GUK1: variants seen among roughly 807,000 people sequenced by gnomAD.
GUK1 encodes the protein guanylate kinase 1, also known as guanylate kinase.
GUK1 carries 18 observed loss-of-function variants against 25.2 expected under a neutral mutation model. The observed-to-expected ratio is 0.71, with a 90% CI of 0.49 to 1.06. The LOEUF is 1.06. GUK1 is among the 50% of genes least tolerant of loss of function. The probability of loss-of-function intolerance (pLI) is 0.00; values close to 1 mark genes in which losing one functional copy is unlikely to be tolerated. For missense variants in GUK1, 261 were observed against 276.7 expected, an observed-to-expected ratio of 0.94 and a Z score of 0.40; for synonymous variants, 105 against 117.6, an observed-to-expected ratio of 0.89 and a Z score of 0.69.
chr1:228,140,436 C>T, intron 1 of GUK1, 73 bp downstream of exon 1: 2 of 1,048,024 alleles, frequency 1.9e-6, no homozygotes, highest in Non-Finnish European at 2.6e-6. Flanking sequence ...TTGCGGTCGC[C>T]CAGTCCACGC....
chr1:228,146,090 G>C, intron 4 of GUK1, 23 bp downstream of exon 3: 1 of 1,569,840 alleles, frequency 6.4e-7, no homozygotes, highest in South Asian at 1.1e-5. Flanking sequence ...GGGCCCTATG[G>C]CTGGAGCACC....
chr1:228,141,643 A>G, intron 2 of GUK1: 2 of 1,204,626 alleles, frequency 1.7e-6, no homozygotes, highest in Non-Finnish European at 2.1e-6. Context: ...GATGGCTGGA[A>G]GCCAGAAGGA....
In GUK1 at chr1:228,140,355, C is replaced by T. The variant is rs866410216; in HGVS notation, c.-176C>T. The T allele has an allele frequency of 1.6e-5, 25 of 1,523,786 alleles. No homozygotes were observed. In the East Asian group the frequency reaches 6.3e-4, roughly 38 times the overall value. 94.4% of individuals were successfully genotyped at this position (1,523,786 alleles called of 1,614,324 possible). ...GCTGCGGCCGCCCTGGGCCGGGCCC[C>T]ACCGGACGGTGAGTACGACAAGCGC... is the stretch of plus-strand genomic sequence containing the variant. On this transcript the variant is annotated 5_prime_UTR_variant, in exon 1 of 9. Transcript: ENST00000312726.
intron 8 of GUK1, 26 bp downstream of exon 7, chr1:228,148,482 G>A (rs750223120): frequency 9.1e-6 from 14 of 1,538,570 alleles, no homozygotes; most frequent in Non-Finnish European, 1.2e-5. Flanking sequence ...TGCCTACCTG[G>A]GCAAGGCCCA....
chr1:228,146,249 G>A (rs1007941154), intron 4 of GUK1, 182 bp downstream of exon 3: 17 of 593,366 alleles, frequency 2.9e-5, no homozygotes, highest in East Asian at 1.1e-4. Flanking sequence ...GCGTGGTGTC[G>A]CCTTCCTTGG....
In GUK1 at chr1:228,141,181, G is replaced by C; in HGVS notation, c.-110G>C. ...GAGGACCCTGTGCAAGACTCGGCCG[G>C]TTTTTCTTTCTCCCTGATGGACAGA... On this transcript the variant is annotated 5_prime_UTR_variant, in exon 2 of 9. Coordinates refer to ENST00000312726, the MANE Select transcript of GUK1 (RefSeq NM_000858.7). The C allele has an allele frequency of 1.0e-6, 1 of 985,396 alleles. No individual in the cohort carries two copies. Among genetic ancestry groups the C allele is most frequent in the Non-Finnish European group, 1.2e-6 (1 of 829,904 alleles). 61.0% of individuals were successfully genotyped at this position (985,396 alleles called of 1,614,324 possible).
At chr1:228,146,540 C>T (rs1558113629) in intron 4 of GUK1, 1 of 486,630 alleles carries the variant, frequency 2.1e-6, no homozygotes, top group Non-Finnish European at 3.7e-6. Flanking sequence ...GTTCCCCCAC[C>T]ACCTTCCCCC....
chr1:228,141,520 C>A, intron 2 of GUK1: 1 of 568,938 alleles, frequency 1.8e-6, no homozygotes, highest in Middle Eastern at 8.2e-4. Flanking sequence ...TTGTGTCTTA[C>A]GAGAGGCCAG....
chr1:228,140,324 G>T lies in GUK1; in HGVS notation c.-207G>T. 4 of 1,529,228 alleles carry T rather than the reference G, an allele frequency of 2.6e-6. No individual in the cohort carries two copies. Among genetic ancestry groups the T allele is most frequent in the East Asian group, 5.0e-5 (2 of 39,826 alleles). 94.7% of individuals were successfully genotyped at this position (1,529,228 alleles called of 1,614,324 possible). ...CCGGATGCTGCGGCGCCCGCTGGCCGGGCTGGCTGCGGCCGCCCTGGGCCG... is the reference window on the plus strand; with the variant it reads ...CCGGATGCTGCGGCGCCCGCTGGCCTGGCTGGCTGCGGCCGCCCTGGGCCG... On this transcript the variant is annotated 5_prime_UTR_variant, in exon 1 of 9. Transcript: ENST00000312726.
chr1:228,147,406 C>T lies in GUK1; in HGVS notation c.252C>T (p.Ser84=), dbSNP rs373707927. The stretch of plus-strand genomic sequence containing the variant: ...CTGCTGACCTGGCACCTCTCCCCAG[C>T]AAGGTGGCGGTGCAGGCCGTGCAGG... Residue 84 remains serine (S), a splice_region_variant and synonymous_variant, in exon 6 of 9, where the codon AGC becomes AGT. Coordinates refer to ENST00000312726, the MANE Select transcript of GUK1 (RefSeq NM_000858.7). 3.7e-6 allele frequency: 6 copies of T among 1,609,426 alleles called. No individual in the cohort carries two copies. Among genetic ancestry groups the T allele is most frequent in the Non-Finnish European group, 2.5e-6 (3 of 1,178,600 alleles).
Position 228,146,929 on chromosome 1 carries a change from A to C in GUK1, c.242A>C (p.Tyr81Ser). 3 of 1,612,086 alleles carry C rather than the reference A, an allele frequency of 1.9e-6. No individual in the cohort carries two copies. The highest frequency in any genetic ancestry group is 2.5e-6 in the Non-Finnish European group (3 of 1,178,224). The stretch of plus-strand genomic sequence containing the variant: ...CATGCCGAGTTCTCGGGGAACCTGT[A>C]TGGCACGAGGTGGGCCATGCGTGGG... The change falls in exon 5 of 9, where the codon TAT becomes TCT. Residue 81 changes from tyrosine to serine, a missense_variant. Physicochemically the swap from Tyr to Ser is moderately radical, Grantham distance 144. Coordinates refer to ENST00000312726, the MANE Select transcript of GUK1 (RefSeq NM_000858.7).
intron 2 of GUK1, 190 bp from the exon 2 acceptor site, chr1:228,145,321 G>A (rs995621695): frequency 7.5e-6 from 4 of 535,006 alleles, no homozygotes; most frequent in African/African-American, 1.9e-5. Flanking sequence ...GGGCCGCCCT[G>A]TGCATGCCGG....
intron 3 of GUK1, 76 bp from the exon 3 acceptor site, chr1:228,145,950 C>T (rs1462585450): frequency 2.1e-5 from 23 of 1,085,096 alleles, no homozygotes; most frequent in Non-Finnish European, 2.7e-5. Context: ...CAAGTGCTGT[C>T]GGGACTGCAA....
At chr1:228,141,570 C>A (rs2034053984) in intron 2 of GUK1, 1 of 928,420 alleles carries the variant, frequency 1.1e-6, no homozygotes, top group Admixed American at 5.9e-5. Context: ...AGGTCAAGCC[C>A]TCTGTTAGCA....
chr1:228,145,334 C>T (rs1216509182), intron 2 of GUK1, 177 bp from the exon 2 acceptor site: 4 of 597,648 alleles, frequency 6.7e-6, no homozygotes, highest in Non-Finnish European at 1.1e-5. Flanking sequence ...CATGCCGGCC[C>T]TTCCAACGTG....
At chr1:228,140,087 G>A (rs970650062), upstream of GUK1, 11 of 542,380 alleles carry the variant, frequency 2.0e-5, no homozygotes, top group Non-Finnish European at 2.9e-5. Flanking sequence ...CGGGCTGGGA[G>A]GGCGCTGTGC....
At chr1:228,147,747 G>A in intron 7 of GUK1, 48 bp downstream of exon 6, 2 of 1,552,678 alleles carry the variant, frequency 1.3e-6, no homozygotes, top group African/African-American at 1.4e-5. Context: ...GGGAGTCAGG[G>A]TTCTGAGGTC....
In GUK1 at chr1:228,147,699, A is replaced by G; in HGVS notation, c.475A>G (p.Ser159Gly). ...TGCTGCCCAGGCCGACATGGAGAGC[A>G]GTGAGTGTGCCGTGGGATCACCAGG... Residue 159 changes from serine to glycine, a missense_variant and splice_region_variant, in exon 7 of 9, where the codon AGC becomes GGC. Transcript: ENST00000312726. 6.2e-7 allele frequency: 1 copy of G among 1,612,468 alleles called. No individual in the cohort carries two copies. The highest frequency in any genetic ancestry group is 8.5e-7 in the Non-Finnish European group (1 of 1,179,678).
rs1195463165 is a variant in GUK1, at chr1:228,142,107, G to A, written c.-3+819G>A. Among the ~76,000 whole-genome samples the A allele has an allele frequency of 2.6e-5, 4 of 151,332 alleles. No individual in the cohort carries two copies. The East Asian group carries it at 5.9e-4, about 22-fold the overall frequency. On this transcript the variant is annotated intron_variant, in intron 2 of 8. Coordinates refer to ENST00000312726, the MANE Select transcript of GUK1 (RefSeq NM_000858.7). ...CCGCCCTGCCACTGGTCTCTCCCCA[G>A]GCAGGCAGGCAGCCTGTGCCTCCGC... is the stretch of plus-strand genomic sequence containing the variant.
Sources: allele counts gnomAD v4.1 joint callset (sites outside exome capture counted in the v4.1 genomes callset), GRCh38; gene constraint gnomAD v4.1.1; transcripts MANE v1.5; gene names NCBI Gene and HGNC (gene_info 2026-07-23, HGNC 2026-07-21).